TMEM87A: variants seen among roughly 807,000 people sequenced by gnomAD.
The protein encoded by TMEM87A is transmembrane protein 87A, also known as Golgi-pH regulating cation channel.
In TMEM87A, 50 loss-of-function variants were observed where a neutral mutation model predicts 90.0. The observed-to-expected ratio is 0.56, with a 90% CI of 0.44 to 0.70. The LOEUF is 0.70. TMEM87A is among the 30% of genes least tolerant of loss of function. TMEM87A has a pLI of 0.00. For synonymous variants in TMEM87A, 226 were observed against 226.7 expected (o/e 1.00, Z 0.03); for missense variants, 577 against 660.5 (o/e 0.87, Z 1.39).
intron 6 of TMEM87A, among the ~76,000 whole-genome samples, chr15:42,259,977 T>C (rs541510771): frequency 6.7e-6 from 1 of 148,698 alleles, no homozygotes; most frequent in Non-Finnish European, 1.5e-5. Context: ...CTGATGAGTA[T>C]GGGGCTACTT....
intron 6 of TMEM87A, among the ~76,000 whole-genome samples, chr15:42,253,387 T>C (rs1352443015): frequency 6.6e-6 from 1 of 152,180 alleles, no homozygotes; most frequent in Non-Finnish European, 1.5e-5. Context: ...AGTCTCTCTA[T>C]TGCTTATCCC....
At chr15:42,217,363 T>A (rs747764418) in intron 19 of TMEM87A, among the ~76,000 whole-genome samples, 1 of 152,236 alleles carries the variant, frequency 6.6e-6, no homozygotes, top group Non-Finnish European at 1.5e-5. Flanking sequence ...ATCCTTACTA[T>A]CTGAAGAAGG....
At chr15:42,270,667 C>CTAA (rs1392407315) in intron 2 of TMEM87A, among the ~76,000 whole-genome samples, 1 of 152,042 alleles carries the variant, frequency 6.6e-6, no homozygotes, top group Non-Finnish European at 1.5e-5. Flanking sequence ...AAGACTGGAC[C>CTAA]TAATAAAAGA....
intron 2 of TMEM87A, among the ~76,000 whole-genome samples, chr15:42,270,721 G>A (rs1241475479): frequency 6.6e-6 from 1 of 152,132 alleles, no homozygotes; most frequent in Non-Finnish European, 1.5e-5. Flanking sequence ...AAAGACAAGG[G>A]TTACTAGGTT....
chr15:42,256,348 C>T (rs1566938052), intron 6 of TMEM87A, among the ~76,000 whole-genome samples: 1 of 152,048 alleles, frequency 6.6e-6, no homozygotes, highest in Non-Finnish European at 1.5e-5. Context: ...GTCATGTTGA[C>T]CAGACTAGTC....
intron 7 of TMEM87A, among the ~76,000 whole-genome samples, chr15:42,241,834 T>C: frequency 6.6e-6 from 1 of 151,956 alleles, no homozygotes; most frequent in African/African-American, 2.4e-5. Flanking sequence ...ATCTACTAAA[T>C]AAAAATCTAG....
At chr15:42,224,921 C>T (rs932877172) in intron 15 of TMEM87A, among the ~76,000 whole-genome samples, 15 of 151,900 alleles carry the variant, frequency 9.9e-5, no homozygotes, top group African/African-American at 2.7e-4. Context: ...GGGAAGGTAA[C>T]GCAAAAATTT....
intron 15 of TMEM87A, among the ~76,000 whole-genome samples, chr15:42,223,514 T>C (rs1358609889): frequency 6.6e-6 from 1 of 152,206 alleles, no homozygotes; most frequent in Non-Finnish European, 1.5e-5. Flanking sequence ...TTGGGCCTAA[T>C]GGAAGGCATT....
At chr15:42,226,190 G>A (rs1248800204) in intron 15 of TMEM87A, among the ~76,000 whole-genome samples, 3 of 151,934 alleles carry the variant, frequency 2.0e-5, no homozygotes, top group Non-Finnish European at 4.4e-5. Flanking sequence ...AGTAGAGACG[G>A]GGTTCCGCCA....
At chr15:42,224,914 A>G (rs77244239) in intron 15 of TMEM87A, among the ~76,000 whole-genome samples, 1,639 of 152,312 alleles carry the variant, frequency 0.011, 31 homozygotes, top group African/African-American at 0.038. Context: ...AAGAAGAGGG[A>G]AGGTAACGCA....
intron 6 of TMEM87A, among the ~76,000 whole-genome samples, chr15:42,247,106 T>C (rs929288359): frequency 6.6e-6 from 1 of 152,234 alleles, no homozygotes; most frequent in African/African-American, 2.4e-5. Flanking sequence ...CTGAAAAGTG[T>C]CTGTTCATAT....
At chr15:42,218,208 T>G in intron 18 of TMEM87A, 115 bp downstream of exon 18, 1 of 1,030,370 alleles carries the variant, frequency 9.7e-7, no homozygotes, top group Non-Finnish European at 1.4e-6. Context: ...TCCTATTCTT[T>G]TAATTATTTT....
chr15:42,224,989 T>G (rs1237625282), intron 15 of TMEM87A, among the ~76,000 whole-genome samples: 2 of 152,180 alleles, frequency 1.3e-5, no homozygotes, highest in Non-Finnish European at 2.9e-5. Flanking sequence ...GAGTAACCAG[T>G]AGATCAACAG....
chr15:42,263,518 G>A (rs2051337633), intron 4 of TMEM87A, among the ~76,000 whole-genome samples: 1 of 152,192 alleles, frequency 6.6e-6, no homozygotes. Flanking sequence ...GCCAAGGTGG[G>A]TGGATCACTT....
At chr15:42,273,526 C>T (rs929303818), upstream of TMEM87A, 15 of 1,444,592 alleles carry the variant, frequency 1.0e-5, no homozygotes, top group African/African-American at 1.4e-5. Context: ...GTTTGCTGTG[C>T]GGCGTAGCGG....
intron 11 of TMEM87A, chr15:42,232,004 G>T: frequency 3.2e-6 from 2 of 620,124 alleles, no homozygotes; most frequent in Non-Finnish European, 4.4e-6. Context: ...AGGACAGTGT[G>T]ATTTGAAAAG....
intron 14 of TMEM87A, 40 bp from the exon 15 acceptor site, chr15:42,226,949 T>C: frequency 6.4e-7 from 1 of 1,558,656 alleles, no homozygotes; most frequent in Non-Finnish European, 8.8e-7. Flanking sequence ...ATACACATTA[T>C]CTTAACCCCT....
chr15:42,253,401 T>G (rs2051120602), intron 6 of TMEM87A, among the ~76,000 whole-genome samples: 1 of 152,196 alleles, frequency 6.6e-6, no homozygotes, highest in Non-Finnish European at 1.5e-5. Context: ...TTATCCCCAC[T>G]GTTATCCCCT....
Position 42,231,183 on chromosome 15 carries a change from GA to G in TMEM87A, c.1131+8del. 1 of 1,594,884 alleles carries G rather than the reference GA, an allele frequency of 6.3e-7. No homozygotes were observed. Among genetic ancestry groups the G allele is most frequent in the East Asian group, 2.3e-5 (1 of 43,890 alleles). ...GGACCATCATCAAACAAGCCAATGAGAAGGATATCCACCAGCACAAGGCAGT... is the reference window on the plus strand; with the variant it reads ...GGACCATCATCAAACAAGCCAATGAGAGGATATCCACCAGCACAAGGCAGT... On this transcript the variant is annotated splice_region_variant and intron_variant, in intron 12 of 19. Coordinates refer to ENST00000389834, the MANE Select transcript of TMEM87A (RefSeq NM_015497.5).
Sources: allele counts gnomAD v4.1 joint callset (sites outside exome capture counted in the v4.1 genomes callset), GRCh38; gene constraint gnomAD v4.1.1; transcripts MANE v1.5; gene names NCBI Gene and HGNC (gene_info 2026-07-23, HGNC 2026-07-21).